The following AKT3 variants were observed in gnomAD, a reference collection of about 807,000 sequenced individuals.
The protein encoded by AKT3 is RAC-gamma serine/threonine-protein kinase.
A neutral mutation model predicts 65.3 loss-of-function variants in AKT3; 15 were observed. The observed-to-expected ratio is 0.23, with a 90% CI of 0.15 to 0.35. The LOEUF is 0.35. Among genes scored for constraint, AKT3 ranks in the 10% least tolerant of loss-of-function variants. AKT3 has a pLI of 1.00. For synonymous variants in AKT3, 206 were observed against 183.8 expected, an observed-to-expected ratio of 1.12 and a Z score of -0.98; for missense variants, 243 against 576.5, an observed-to-expected ratio of 0.42 and a Z score of 5.92.
Position 243,764,157 on chromosome 1 carries a change from T to C in AKT3, c.47-68441A>G, listed in dbSNP as rs149103021. ...CTAAGTCGCTACTTTATGCCTCTAT[T>C]TGCAAAATTCTCATGTCAAAATTTT... On this transcript the variant is annotated intron_variant, in intron 2 of 13. Coordinates refer to ENST00000673466, the MANE Select transcript of AKT3 (RefSeq NM_005465.7). 5.5e-3 allele frequency among the ~76,000 whole-genome samples: 832 copies of C among 152,210 alleles called. 5 individuals are homozygous for C. Among genetic ancestry groups the C allele is most frequent in the Non-Finnish European group, 6.5e-3 (441 of 67,950 alleles).
At chr1:243,746,780 T>C (rs1315362567) in intron 2 of AKT3, among the ~76,000 whole-genome samples, 4 of 152,126 alleles carry the variant, frequency 2.6e-5, no homozygotes, top group African/African-American at 4.8e-5. Flanking sequence ...CTAAACTTTA[T>C]AAATATGCTT....
intron 7 of AKT3, among the ~76,000 whole-genome samples, chr1:243,613,972 T>C (rs1322857657): frequency 6.6e-6 from 1 of 152,186 alleles, no homozygotes; most frequent in Admixed American, 6.5e-5. Context: ...AAATTTCAAG[T>C]AAAAGTAAAC....
At chr1:243,842,967 C>A (rs1337013565) in intron 2 of AKT3, among the ~76,000 whole-genome samples, 158 bp downstream of exon 2, 2 of 152,072 alleles carry the variant, frequency 1.3e-5, no homozygotes, top group Non-Finnish European at 2.9e-5. Context: ...CCCTTAATAA[C>A]AAGCAAATTC....
At chr1:243,812,312 A>C (rs1406798981) in intron 2 of AKT3, among the ~76,000 whole-genome samples, 3 of 152,328 alleles carry the variant, frequency 2.0e-5, no homozygotes, top group African/African-American at 7.2e-5. Context: ...CAAAGAACTC[A>C]AACAAATTTA....
chr1:243,533,124 CT>C (rs2148417534), intron 12 of AKT3, among the ~76,000 whole-genome samples: 1 of 152,186 alleles, frequency 6.6e-6, no homozygotes, highest in Admixed American at 6.5e-5. Context: ...TTCTCTATTG[CT>C]TTTCAATTAT....
Position 243,697,044 on chromosome 1 carries a change from G to C in AKT3, c.47-1328C>G, listed in dbSNP as rs185277122. Among the ~76,000 whole-genome samples the C allele has an allele frequency of 1.2e-4, 18 of 151,978 alleles. No individual in the cohort carries two copies. The East Asian group carries it at 2.5e-3, about 21-fold the overall frequency. On this transcript the variant is annotated intron_variant, in intron 2 of 13. Coordinates refer to ENST00000673466, the MANE Select transcript of AKT3 (RefSeq NM_005465.7). ...GAATCAGCAATTCTTAAACTTCTTA[G>C]AATCTCTTTATATCCTTAAATATTA...
In AKT3 at chr1:243,822,021, G is replaced by A. The variant is rs547792795; in HGVS notation, c.46+21104C>T. Among the ~76,000 whole-genome samples the A allele has an allele frequency of 3.4e-4, 52 of 152,186 alleles. No individual in the cohort carries two copies. The South Asian group carries it at 9.3e-3, about 27-fold the overall frequency. ...TGGCACATACTCTAAAATCAATCAC[G>A]TAATTGGAAGTAAAACACTTCTAAG... On this transcript the variant is annotated intron_variant, in intron 2 of 13. Coordinates refer to ENST00000673466, the MANE Select transcript of AKT3 (RefSeq NM_005465.7).
chr1:243,731,875 T>A (rs1418127558), intron 2 of AKT3, among the ~76,000 whole-genome samples: 2 of 152,136 alleles, frequency 1.3e-5, no homozygotes, highest in Non-Finnish European at 2.9e-5. Flanking sequence ...TAAAATGAAA[T>A]AAAATGGGAA....
chr1:243,592,560 T>C (rs1676313655), intron 8 of AKT3, among the ~76,000 whole-genome samples: 1 of 152,200 alleles, frequency 6.6e-6, no homozygotes, highest in Admixed American at 6.5e-5. Flanking sequence ...GACATTTTTA[T>C]AGTAATGAAA....
intron 13 of AKT3, among the ~76,000 whole-genome samples, chr1:243,490,739 G>C (rs1202557253): frequency 6.6e-6 from 1 of 152,176 alleles, no homozygotes; most frequent in East Asian, 1.9e-4. Context: ...GAGGGTCCTG[G>C]GAGAGGTTCA....
intron 3 of AKT3, among the ~76,000 whole-genome samples, chr1:243,684,319 C>T (rs756917149): frequency 4.7e-4 from 71 of 152,030 alleles, no homozygotes; most frequent in Non-Finnish European, 8.8e-4. Context: ...CCCCCAATCT[C>T]TCAACATGCC....
At chr1:243,492,295 CTTTT>C (rs33950392) in intron 13 of AKT3, among the ~76,000 whole-genome samples, 2 of 63,130 alleles carry the variant, frequency 3.2e-5, no homozygotes, top group Non-Finnish European at 5.3e-5. Context: ...CGTTTCTTGG[CTTTT>C]TTTTTTTTTT....
chr1:243,834,298 T>C (rs1321124824), intron 2 of AKT3, among the ~76,000 whole-genome samples: 1 of 152,146 alleles, frequency 6.6e-6, no homozygotes, highest in Non-Finnish European at 1.5e-5. Flanking sequence ...ATGTGGTACA[T>C]ACACACCATG....
At chr1:243,763,644 C>T (rs1403004413) in intron 2 of AKT3, among the ~76,000 whole-genome samples, 3 of 151,970 alleles carry the variant, frequency 2.0e-5, no homozygotes, top group South Asian at 4.1e-4. Flanking sequence ...ACGATTAGAA[C>T]AATGTCAAAA....
intron 2 of AKT3, among the ~76,000 whole-genome samples, chr1:243,812,933 A>G (rs920494675): frequency 2.0e-5 from 3 of 148,458 alleles, no homozygotes; most frequent in Admixed American, 6.8e-5. Flanking sequence ...AAAACCAAAC[A>G]TCGCATGTTC....
intron 2 of AKT3, among the ~76,000 whole-genome samples, chr1:243,816,956 T>C (rs1350292986): frequency 6.6e-6 from 1 of 152,186 alleles, no homozygotes; most frequent in Non-Finnish European, 1.5e-5. Flanking sequence ...TTGTGACTTG[T>C]TGCACGAGTA....
intron 2 of AKT3, among the ~76,000 whole-genome samples, chr1:243,709,359 T>C (rs1019707760): frequency 5.3e-5 from 8 of 151,738 alleles, no homozygotes; most frequent in Non-Finnish European, 2.9e-5. Flanking sequence ...CAAATTTACT[T>C]TGACACAGCA....
At chr1:243,551,787 T>C (rs758666638) in intron 11 of AKT3, among the ~76,000 whole-genome samples, 1 of 152,108 alleles carries the variant, frequency 6.6e-6, no homozygotes, top group Admixed American at 6.5e-5. Flanking sequence ...TTAATAGTCA[T>C]TTCACATATG....
At chr1:243,751,280 A>G (rs1240329761) in intron 2 of AKT3, among the ~76,000 whole-genome samples, 1 of 152,258 alleles carries the variant, frequency 6.6e-6, no homozygotes, top group Non-Finnish European at 1.5e-5. Flanking sequence ...GTGTGTGCAA[A>G]AATCCATTTG....
Sources: gnomAD v4.1 joint callset for allele counts (sites outside exome capture counted in the v4.1 genomes callset) on GRCh38, gnomAD v4.1.1 for gene constraint, MANE v1.5 for transcripts, NCBI Gene and HGNC (gene_info 2026-07-23, HGNC 2026-07-21) for gene names.